Variants in ALDH1A2 observed in about 807,000 individuals in gnomAD.
ALDH1A2 encodes the protein aldehyde dehydrogenase 1 family member A2, also known as retinal dehydrogenase 2.
A neutral mutation model predicts 60.3 loss-of-function variants in ALDH1A2; 27 were observed. The ratio of observed to expected loss-of-function variants is 0.45; its 90% CI spans 0.33 to 0.62. The LOEUF is 0.62. ALDH1A2 is among the 20% of genes least tolerant of loss of function. ALDH1A2 has a pLI of 0.02. For missense variants in ALDH1A2, 581 were observed against 643.8 expected (o/e 0.90, Z 1.06); for synonymous variants, 289 against 232.4 (o/e 1.24, Z -2.21).
intron 4 of ALDH1A2, among the ~76,000 whole-genome samples, chr15:57,996,938 G>T (rs571032281): frequency 5.9e-5 from 9 of 151,954 alleles, no homozygotes; most frequent in Admixed American, 1.3e-4. Context: ...TTTCTATTGG[G>T]TTATTCTTTT....
At chr15:58,012,557 G>C (rs186884897) in intron 3 of ALDH1A2, among the ~76,000 whole-genome samples, 9 of 152,250 alleles carry the variant, frequency 5.9e-5, no homozygotes, top group African/African-American at 1.7e-4. Context: ...TTGTGAATCT[G>C]CAAGGAGGAA....
In ALDH1A2 at chr15:57,954,899, T is replaced by C; in HGVS notation, c.*298A>G. 2.1e-6 allele frequency: 1 copy of C among 475,052 alleles called. No homozygotes were observed. Among genetic ancestry groups the C allele is most frequent in the Non-Finnish European group, 3.9e-6 (1 of 259,266 alleles). 29.4% of individuals were successfully genotyped at this position (475,052 alleles called of 1,614,324 possible). A position where few individuals can be genotyped will look rare whatever the true frequency, so the allele number is the denominator to read the frequency against. On this transcript the variant is annotated 3_prime_UTR_variant, in exon 13 of 13. Coordinates refer to ENST00000249750, the MANE Select transcript of ALDH1A2 (RefSeq NM_003888.4). Reference sequence around the variant, plus strand: ...AAAGACATGAAATAATACAGCTCCCTTATTTCATCCTGTGCTCCAGAAGGA... The same window carrying C: ...AAAGACATGAAATAATACAGCTCCCCTATTTCATCCTGTGCTCCAGAAGGA...
intron 7 of ALDH1A2, among the ~76,000 whole-genome samples, chr15:57,968,008 T>A (rs548840084): frequency 3.3e-5 from 5 of 152,204 alleles, no homozygotes; most frequent in African/African-American, 7.2e-5. Context: ...GAAACAGCAA[T>A]CCTCTGACTT....
intron 1 of ALDH1A2, among the ~76,000 whole-genome samples, chr15:58,035,726 T>C (rs1488852221): frequency 6.6e-6 from 1 of 151,762 alleles, no homozygotes; most frequent in Non-Finnish European, 1.5e-5. Flanking sequence ...TTTCCAGCTA[T>C]CTTTCTGTTT....
intron 7 of ALDH1A2, among the ~76,000 whole-genome samples, chr15:57,966,289 G>T (rs906954402): frequency 1.3e-5 from 2 of 152,160 alleles, no homozygotes; most frequent in African/African-American, 2.4e-5. Flanking sequence ...GCTCCAAAGA[G>T]ACTATCAATA....
chr15:58,021,350 G>A (rs1895920794), intron 1 of ALDH1A2, among the ~76,000 whole-genome samples: 1 of 152,044 alleles, frequency 6.6e-6, no homozygotes, highest in African/African-American at 2.4e-5. Context: ...AACAAAGAAG[G>A]GACAGGAAGC....
intron 7 of ALDH1A2, among the ~76,000 whole-genome samples, chr15:57,970,315 C>T (rs200599506): frequency 1.3e-5 from 2 of 152,164 alleles, no homozygotes; most frequent in East Asian, 3.9e-4. Context: ...CTCTGTGTAC[C>T]CCAAACATGC....
intron 5 of ALDH1A2, among the ~76,000 whole-genome samples, chr15:57,993,594 ACTGCATATACTGATGAGT>A (rs1273326048): frequency 2.6e-5 from 4 of 152,182 alleles, no homozygotes; most frequent in African/African-American, 9.7e-5. Context: ...CAAAAAATAA[ACTGCATATACTGATGAGT>A]ATGCAAAAAT....
intron 7 of ALDH1A2, among the ~76,000 whole-genome samples, chr15:57,987,690 C>T (rs1236490390): frequency 6.6e-6 from 1 of 151,990 alleles, no homozygotes; most frequent in African/African-American, 2.4e-5. Flanking sequence ...ACCATCCTGG[C>T]TAACATGGTG....
chr15:58,040,811 G>A (rs946794668), intron 1 of ALDH1A2, among the ~76,000 whole-genome samples: 3 of 151,912 alleles, frequency 2.0e-5, no homozygotes, highest in South Asian at 2.1e-4. Flanking sequence ...CTATTTACAG[G>A]CTCTAGACAC....
At chr15:57,974,556 G>A (rs1232682550) in intron 7 of ALDH1A2, among the ~76,000 whole-genome samples, 3 of 151,788 alleles carry the variant, frequency 2.0e-5, no homozygotes, top group African/African-American at 7.3e-5. Context: ...AAGAAATGGT[G>A]CAGGAACTAT....
chr15:57,964,406 G>C (rs1487659547), intron 8 of ALDH1A2: 1 of 234,148 alleles, frequency 4.3e-6, no homozygotes, highest in African/African-American at 2.2e-5. Context: ...GTAATGGAGG[G>C]GCTAAGAAGG....
At position 58,006,863 on chromosome 15, in the gene ALDH1A2, A is replaced by T. The variant is rs1392767976; in HGVS notation, c.493+3786T>A. Among the ~76,000 whole-genome samples, 13 of 51,802 alleles carry T rather than the reference A, an allele frequency of 2.5e-4. No homozygotes were observed. In the South Asian group the frequency reaches 0.023, roughly 91 times the overall value. 34.0% of individuals were successfully genotyped at this position (51,802 alleles called of 152,430 possible). On this transcript the variant is annotated intron_variant, in intron 4 of 12. Coordinates refer to ENST00000249750, the MANE Select transcript of ALDH1A2 (RefSeq NM_003888.4). ...TTGCTTCAGCTCTCATATTGTTAAAAAAAAAAAAAAAAAGTGTCCTTTTTT... is the reference window on the plus strand; with the variant it reads ...TTGCTTCAGCTCTCATATTGTTAAATAAAAAAAAAAAAAGTGTCCTTTTTT...
At chr15:57,963,499 C>G (rs1165616999) in intron 9 of ALDH1A2, among the ~76,000 whole-genome samples, 8 of 151,964 alleles carry the variant, frequency 5.3e-5, no homozygotes, top group African/African-American at 1.9e-4. Flanking sequence ...GCCACCTCGC[C>G]CGGCTAATTT....
intron 7 of ALDH1A2, among the ~76,000 whole-genome samples, chr15:57,981,932 G>A (rs1308534000): frequency 1.1e-4 from 17 of 152,154 alleles, no homozygotes; most frequent in African/African-American, 3.9e-4. Context: ...GAAGTCCAAG[G>A]TTGAGAGACC....
At position 57,983,074 on chromosome 15, in the gene ALDH1A2, C is replaced by G. The variant is rs1205285122; in HGVS notation, c.798+9631G>C. On this transcript the variant is annotated intron_variant, in intron 7 of 12. Transcript: ENST00000249750. The stretch of plus-strand genomic sequence containing the variant: ...TTAAAGAGACTTCTAAGGATAGACA[C>G]TGAATTCAAAAAAAATCTGCAGCTC... Among the ~76,000 whole-genome samples, 74 of 152,048 alleles carry G rather than the reference C, an allele frequency of 4.9e-4. 2 individuals carry two copies. The highest frequency in any genetic ancestry group is 1.5e-5 in the Non-Finnish European group (1 of 68,010).
chr15:58,032,501 A>G (rs1025498686), intron 1 of ALDH1A2, among the ~76,000 whole-genome samples: 7 of 152,158 alleles, frequency 4.6e-5, no homozygotes, highest in Admixed American at 2.6e-4. Flanking sequence ...AACTTAAAGT[A>G]TAATTTTAAA....
intron 1 of ALDH1A2, among the ~76,000 whole-genome samples, chr15:58,031,837 T>C (rs2140541637): frequency 6.6e-6 from 1 of 152,178 alleles, no homozygotes; most frequent in South Asian, 2.1e-4. Context: ...ATGGCGATGA[T>C]TAAAAAGTCA....
At chr15:57,955,537 A>G (rs1219900547) in intron 12 of ALDH1A2, among the ~76,000 whole-genome samples, 1 of 152,228 alleles carries the variant, frequency 6.6e-6, no homozygotes, top group African/African-American at 2.4e-5. Flanking sequence ...TGTTTTCACA[A>G]TACTGCACAG....
Sources: gnomAD v4.1 joint callset for allele counts (sites outside exome capture counted in the v4.1 genomes callset) on GRCh38, gnomAD v4.1.1 for gene constraint, MANE v1.5 for transcripts, NCBI Gene and HGNC (gene_info 2026-07-23, HGNC 2026-07-21) for gene names.